The following MACROD2 variants were observed in gnomAD, a reference collection of about 807,000 sequenced individuals.
MACROD2 encodes the protein ADP-ribose glycohydrolase MACROD2.
In MACROD2, 36 loss-of-function variants were observed where a neutral mutation model predicts 70.4. That is an observed-to-expected ratio of 0.51 (90% CI 0.39 to 0.68). The LOEUF (loss-of-function observed/expected upper bound fraction) is 0.68, where lower values mean the gene tolerates loss of function less well. Among genes scored for constraint, MACROD2 ranks in the 30% least tolerant of loss-of-function variants. MACROD2 has a pLI of 0.00. For missense variants in MACROD2, 496 were observed against 538.4 expected (o/e 0.92, Z 0.78); for synonymous variants, 172 against 178.8 (o/e 0.96, Z 0.30).
At chr20:14,975,498 G>T (rs1431464440) in intron 5 of MACROD2, among the ~76,000 whole-genome samples, 1 of 152,058 alleles carries the variant, frequency 6.6e-6, no homozygotes. Flanking sequence ...GGGTACCTTC[G>T]ACAGGTGGGT....
At chr20:15,868,951 A>G (rs2064533959) in intron 9 of MACROD2, among the ~76,000 whole-genome samples, 1 of 151,128 alleles carries the variant, frequency 6.6e-6, no homozygotes, top group Non-Finnish European at 1.5e-5. Context: ...TGCCCAGCTA[A>G]TTTTATTTGT....
At chr20:14,839,266 C>T (rs1568826126) in intron 5 of MACROD2, among the ~76,000 whole-genome samples, 1 of 152,068 alleles carries the variant, frequency 6.6e-6, no homozygotes, top group Non-Finnish European at 1.5e-5. Context: ...ATTTGCATTT[C>T]CCTTTGTGAT....
chr20:14,185,116 AT>A (rs1476933653), intron 3 of MACROD2, among the ~76,000 whole-genome samples: 2 of 151,446 alleles, frequency 1.3e-5, no homozygotes, highest in Non-Finnish European at 3.0e-5. Flanking sequence ...CTCAATAATG[AT>A]TTGTTGAATC....
chr20:14,907,834 GT>G (rs1396551146), intron 5 of MACROD2, among the ~76,000 whole-genome samples: 8 of 152,088 alleles, frequency 5.3e-5, no homozygotes, highest in Admixed American at 1.3e-4. Flanking sequence ...TTGTTCATCT[GT>G]TTTTGGTTTT....
intron 8 of MACROD2, among the ~76,000 whole-genome samples, chr20:15,574,982 CTCTTTA>C (rs1209894742): frequency 6.6e-6 from 1 of 152,120 alleles, no homozygotes; most frequent in Non-Finnish European, 1.5e-5. Context: ...GACTTTCTTT[CTCTTTA>C]TATGTACGTA....
At chr20:14,505,510 T>G (rs2084958974) in intron 4 of MACROD2, among the ~76,000 whole-genome samples, 1 of 152,186 alleles carries the variant, frequency 6.6e-6, no homozygotes, top group Admixed American at 6.5e-5. Flanking sequence ...AGTTCTTATG[T>G]TTGTCTCTTT....
chr20:14,247,372 C>T (rs2081975904), intron 3 of MACROD2, among the ~76,000 whole-genome samples: 1 of 152,138 alleles, frequency 6.6e-6, no homozygotes, highest in African/African-American at 2.4e-5. Flanking sequence ...CAACATCTCA[C>T]TGGTTGTTGT....
intron 5 of MACROD2, among the ~76,000 whole-genome samples, chr20:14,928,522 T>C (rs951863130): frequency 4.6e-5 from 7 of 152,278 alleles, no homozygotes; most frequent in African/African-American, 1.4e-4. Flanking sequence ...AAGCAAGTAG[T>C]AGGTAAGGGA....
intron 5 of MACROD2, among the ~76,000 whole-genome samples, chr20:15,143,418 T>C (rs1906279574): frequency 6.6e-6 from 1 of 152,234 alleles, no homozygotes; most frequent in African/African-American, 2.4e-5. Flanking sequence ...ATTAGCCCTT[T>C]GTCAGATGAG....
intron 4 of MACROD2, among the ~76,000 whole-genome samples, chr20:14,515,918 A>G (rs570366425): frequency 1.3e-5 from 2 of 150,466 alleles, no homozygotes; most frequent in Non-Finnish European, 3.0e-5. Flanking sequence ...ATCTTTCTAC[A>G]GTGTATACAT....
intron 8 of MACROD2, among the ~76,000 whole-genome samples, chr20:15,662,191 A>C (rs575615229): frequency 6.6e-6 from 1 of 152,334 alleles, no homozygotes; most frequent in South Asian, 2.1e-4. Flanking sequence ...ATTATTTTTC[A>C]GAGTGTGATC....
intron 6 of MACROD2, among the ~76,000 whole-genome samples, chr20:15,244,376 A>T (rs753689812): frequency 7.9e-5 from 12 of 152,196 alleles, no homozygotes; most frequent in Non-Finnish European, 1.8e-4. Flanking sequence ...TACTCATCTA[A>T]TAGCAACACC....
intron 4 of MACROD2, among the ~76,000 whole-genome samples, chr20:14,645,945 C>T (rs974947807): frequency 6.6e-6 from 1 of 151,458 alleles, no homozygotes; most frequent in Non-Finnish European, 1.5e-5. Context: ...ATACATACTC[C>T]CTGGCATATT....
intron 3 of MACROD2, among the ~76,000 whole-genome samples, chr20:14,304,323 T>C (rs1218429582): frequency 6.6e-6 from 1 of 152,188 alleles, no homozygotes; most frequent in Non-Finnish European, 1.5e-5. Flanking sequence ...CCTCCCTTGA[T>C]GTGTGGATTA....
At chr20:15,613,631 C>T (rs1342814044) in intron 8 of MACROD2, among the ~76,000 whole-genome samples, 2 of 152,174 alleles carry the variant, frequency 1.3e-5, no homozygotes, top group Non-Finnish European at 2.9e-5. Flanking sequence ...TTTATAATGA[C>T]CTATTCCACT....
At chr20:15,267,769 G>A (rs2077308941) in intron 6 of MACROD2, among the ~76,000 whole-genome samples, 1 of 152,168 alleles carries the variant, frequency 6.6e-6, no homozygotes, top group Non-Finnish European at 1.5e-5. Context: ...TGGGAGGATG[G>A]GACGGGGCCT....
chr20:15,218,450 G>A (rs971478212), intron 5 of MACROD2, among the ~76,000 whole-genome samples: 1 of 152,106 alleles, frequency 6.6e-6, no homozygotes, highest in Non-Finnish European at 1.5e-5. Context: ...ATTCTGCAAA[G>A]GAGTAAGCAT....
chr20:14,544,251 ATAGGG>A (rs2085466340), intron 4 of MACROD2, among the ~76,000 whole-genome samples: 1 of 150,778 alleles, frequency 6.6e-6, no homozygotes, highest in Non-Finnish European at 1.5e-5. Context: ...TTTTTAGAAA[ATAGGG>A]TAGGGCTCAG....
chr20:14,697,046 T>C (rs972934424), intron 5 of MACROD2, among the ~76,000 whole-genome samples: 2 of 152,134 alleles, frequency 1.3e-5, no homozygotes, highest in Non-Finnish European at 2.9e-5. Flanking sequence ...TTGTGTTCAG[T>C]TTGTGGAGCT....
Sources: gnomAD v4.1 joint callset for allele counts (sites outside exome capture counted in the v4.1 genomes callset) on GRCh38, gnomAD v4.1.1 for gene constraint, MANE v1.5 for transcripts, NCBI Gene and HGNC (gene_info 2026-07-23, HGNC 2026-07-21) for gene names.